Variants in FILIP1L observed in about 807,000 individuals in gnomAD.
FILIP1L encodes the protein filamin A interacting protein 1 like.
Under a neutral mutation model 96.6 loss-of-function variants are expected in FILIP1L, and 55 were observed. That is an observed-to-expected ratio of 0.57 (90% CI 0.46 to 0.71). The LOEUF (loss-of-function observed/expected upper bound fraction) is 0.71, where lower values mean the gene tolerates loss of function less well. FILIP1L is among the 30% of genes least tolerant of loss of function. The pLI, the probability that FILIP1L is intolerant of heterozygous loss-of-function variation, is 0.00. For missense variants in FILIP1L, 1,304 were observed against 1,321.2 expected, an observed-to-expected ratio of 0.99 and a Z score of 0.20; for synonymous variants, 467 against 473.9, an observed-to-expected ratio of 0.99 and a Z score of 0.19.
intron 4 of FILIP1L, among the ~76,000 whole-genome samples, chr3:99,872,079 AT>A (rs778983945): frequency 5.9e-5 from 9 of 152,068 alleles, no homozygotes; most frequent in Non-Finnish European, 8.8e-5. Flanking sequence ...CCTAGCACTA[AT>A]TAAGGAAAAA....
chr3:100,029,409 A>T (rs191426864), intron 1 of FILIP1L, among the ~76,000 whole-genome samples: 255 of 147,304 alleles, frequency 1.7e-3, no homozygotes, highest in Middle Eastern at 3.4e-3. Context: ...CACTTTAGTT[A>T]CATAAATAAA....
chr3:100,007,390 G>A (rs957451251), intron 1 of FILIP1L, among the ~76,000 whole-genome samples: 1 of 152,078 alleles, frequency 6.6e-6, no homozygotes, highest in Non-Finnish European at 1.5e-5. Flanking sequence ...GCCATGGCTC[G>A]CTAATGCATT....
At chr3:99,851,159 T>C (rs772738169) in intron 4 of FILIP1L, 89 bp from the exon 5 acceptor site, 30 of 1,038,460 alleles carry the variant, frequency 2.9e-5, no homozygotes, top group Non-Finnish European at 4.1e-5. Flanking sequence ...TTAGAAATTA[T>C]GTAATTATAT....
At chr3:99,968,389 A>G (rs1708716516) in intron 1 of FILIP1L, among the ~76,000 whole-genome samples, 1 of 151,942 alleles carries the variant, frequency 6.6e-6, no homozygotes, top group African/African-American at 2.4e-5. Context: ...ACTGTTGAAT[A>G]GTAGTATGAA....
In FILIP1L at chr3:100,080,340, A is replaced by C. The variant is rs899757529; in HGVS notation, c.-11+33713T>G. Among the ~76,000 whole-genome samples, 4 of 151,942 alleles carry C rather than the reference A, an allele frequency of 2.6e-5. 1 individual carries two copies. Among genetic ancestry groups the C allele is most frequent in the Non-Finnish European group, 5.9e-5 (4 of 67,986 alleles). ...AAGAGGGGGAAAAAAAAATTTAATA[A>C]CTCTAGGGTTCTGACTCTCCCTGAA... On this transcript the variant is annotated intron_variant, in intron 1 of 5. Transcript: ENST00000477258.
chr3:100,018,073 A>G (rs1710396778), intron 1 of FILIP1L, among the ~76,000 whole-genome samples: 1 of 152,200 alleles, frequency 6.6e-6, no homozygotes, highest in South Asian at 2.1e-4. Context: ...TCACGCCTGT[A>G]ATCTCAGCAC....
At chr3:100,030,190 T>C (rs1489122129) in intron 1 of FILIP1L, among the ~76,000 whole-genome samples, 1 of 152,144 alleles carries the variant, frequency 6.6e-6, no homozygotes, top group Non-Finnish European at 1.5e-5. Flanking sequence ...ACTCCTATTT[T>C]CTAGTTTAAT....
chr3:99,848,932 G>C lies in FILIP1L; in HGVS notation c.2744C>G (p.Ala915Gly). ...KVTPDHVQNT[A>G]TLEITSPTTE... ...GGTTGGACTTGTGATTTCAAGAGTG[G>C]CTGTGTTTTGTACATGGTCTGGAGT... The change falls in exon 5 of 6, where the codon GCC becomes GGC. Residue 915 changes from alanine to glycine, a missense_variant. Physicochemically the swap from Ala to Gly is moderately conservative, Grantham distance 60. Transcript: ENST00000477258. 6.2e-7 allele frequency: 1 copy of C among 1,614,168 alleles called. No homozygotes were observed. Among genetic ancestry groups the C allele is most frequent in the East Asian group, 2.2e-5 (1 of 44,880 alleles).
Position 99,829,891 on chromosome 3 carries a change from C to T in FILIP1L, c.*523G>A, listed in dbSNP as rs1942617357. 6.6e-6 allele frequency among the ~76,000 whole-genome samples: 1 copy of T among 152,194 alleles called. No homozygotes were observed. Among genetic ancestry groups the T allele is most frequent in the Non-Finnish European group, 1.5e-5 (1 of 68,034 alleles). ...ATGCTTTTCCTCCTTTAAGAATTAT[C>T]ACTTTGCTTTTTCCCTCCTGGTCAT... On this transcript the variant is annotated 3_prime_UTR_variant, in exon 6 of 6. Coordinates refer to ENST00000477258, the MANE Select transcript of FILIP1L (RefSeq NM_001387850.1).
intron 1 of FILIP1L, among the ~76,000 whole-genome samples, chr3:100,006,983 T>G (rs1028420803): frequency 6.6e-6 from 1 of 152,242 alleles, no homozygotes; most frequent in Non-Finnish European, 1.5e-5. Context: ...GTCCAAAACT[T>G]GAGCATATTC....
intron 4 of FILIP1L, among the ~76,000 whole-genome samples, chr3:99,892,009 G>A (rs1197061903): frequency 6.6e-6 from 1 of 152,076 alleles, no homozygotes; most frequent in Admixed American, 6.5e-5. Context: ...TTTTTTCACA[G>A]TTGTTACTTC....
intron 1 of FILIP1L, among the ~76,000 whole-genome samples, chr3:99,973,146 G>C (rs1352988146): frequency 6.6e-6 from 1 of 152,202 alleles, no homozygotes; most frequent in East Asian, 1.9e-4. Context: ...CCAAGGTTTA[G>C]ATTTTATGAT....
intron 1 of FILIP1L, among the ~76,000 whole-genome samples, chr3:99,980,256 A>C (rs1200790420): frequency 6.6e-6 from 1 of 152,136 alleles, no homozygotes; most frequent in East Asian, 1.9e-4. Context: ...TGAGACCTGG[A>C]TCTACTAATC....
intron 4 of FILIP1L, among the ~76,000 whole-genome samples, chr3:99,871,831 G>T (rs1380481012): frequency 1.3e-5 from 2 of 152,150 alleles, no homozygotes; most frequent in Non-Finnish European, 2.9e-5. Flanking sequence ...TTGCCAGCCG[G>T]AGGACCTTTA....
chr3:99,991,475 G>A (rs1173749385), intron 1 of FILIP1L, among the ~76,000 whole-genome samples: 1 of 151,782 alleles, frequency 6.6e-6, no homozygotes, highest in African/African-American at 2.4e-5. Flanking sequence ...TATATATTTA[G>A]GAGGTACAAA....
intron 1 of FILIP1L, chr3:100,023,591 A>AT (rs1389895914): frequency 3.3e-5 from 5 of 152,514 alleles, no homozygotes; most frequent in African/African-American, 1.2e-4. Flanking sequence ...TCTGGCTTTT[A>AT]TTTTTGCTTG....
At chr3:99,949,007 A>G (rs554425738) in intron 1 of FILIP1L, among the ~76,000 whole-genome samples, 18 of 152,328 alleles carry the variant, frequency 1.2e-4, no homozygotes, top group South Asian at 4.1e-4. Context: ...AGATATATCC[A>G]GAATCCTTTA....
At chr3:99,929,726 G>T in intron 3 of FILIP1L, 130 bp downstream of exon 3, 1 of 600,512 alleles carries the variant, frequency 1.7e-6, no homozygotes, top group African/African-American at 1.9e-5. Flanking sequence ...GTATTTATCT[G>T]TTTTGTGTAG....
intron 1 of FILIP1L, among the ~76,000 whole-genome samples, chr3:100,036,775 A>T (rs989370127): frequency 6.6e-6 from 1 of 152,100 alleles, no homozygotes; most frequent in Non-Finnish European, 1.5e-5. Flanking sequence ...GGAGTAGAGA[A>T]GCCTGGTAGT....
Sources: allele counts gnomAD v4.1 joint callset (sites outside exome capture counted in the v4.1 genomes callset), GRCh38; gene constraint gnomAD v4.1.1; transcripts MANE v1.5; gene names NCBI Gene and HGNC (gene_info 2026-07-23, HGNC 2026-07-21).